SPMIP4: variants seen among roughly 807,000 people sequenced by gnomAD.
The protein encoded by SPMIP4 is sperm microtubule inner protein 4.
the SPMIP4 span, among the ~76,000 whole-genome samples, chr7:25,127,927 G>A: frequency 2.0e-5 from 3 of 152,228 alleles, no homozygotes; most frequent in Non-Finnish European, 4.4e-5. Context: ...GGGGCCATCC[G>A]AAGCTCAGTA....
At chr7:25,168,349 G>A in the SPMIP4 span, 7 of 1,613,030 alleles carry the variant, frequency 4.3e-6, no homozygotes, top group Non-Finnish European at 5.9e-6. Context: ...GACACGAGGA[G>A]GCTCATACTT....
chr7:25,175,933 G>C, the SPMIP4 span, among the ~76,000 whole-genome samples: 1 of 152,192 alleles, frequency 6.6e-6, no homozygotes. Flanking sequence ...AGGGGGTTAA[G>C]AGGAGGGGTT....
the SPMIP4 span, chr7:25,142,694 G>A: frequency 2.2e-5 from 35 of 1,613,114 alleles, no homozygotes; most frequent in Non-Finnish European, 3.0e-5. Context: ...AGATTTCTTT[G>A]TATGTTGGCT....
the SPMIP4 span, among the ~76,000 whole-genome samples, chr7:25,165,517 A>G: frequency 2.6e-5 from 4 of 152,110 alleles, no homozygotes; most frequent in Non-Finnish European, 4.4e-5. Flanking sequence ...CAATGGCACA[A>G]TCTTGGCTCA....
chr7:25,166,840 A>G, the SPMIP4 span, among the ~76,000 whole-genome samples: 18 of 152,146 alleles, frequency 1.2e-4, no homozygotes. Context: ...GGTTGCAGTG[A>G]GCTGAGATCA....
chr7:25,142,927 G>GTT, the SPMIP4 span: 33 of 631,642 alleles, frequency 5.2e-5, no homozygotes, highest in South Asian at 7.8e-5. Flanking sequence ...CGTCAGAATG[G>GTT]TTTTTTTTTT....
the SPMIP4 span, chr7:25,168,180 T>C: frequency 1.1e-6 from 1 of 882,594 alleles, no homozygotes; most frequent in Non-Finnish European, 1.7e-6. Context: ...TCATAAATAG[T>C]AAGAGAAATA....
chr7:25,163,036 C>T, the SPMIP4 span, among the ~76,000 whole-genome samples: 4 of 152,226 alleles, frequency 2.6e-5, no homozygotes, highest in Non-Finnish European at 5.9e-5. This position sits in a 1 kb window ranked among gnomAD's most constrained non-coding sequence, Gnocchi z 4.4. Flanking sequence ...GCTGGGATTA[C>T]AGGCATGAGC....
the SPMIP4 span, among the ~76,000 whole-genome samples, chr7:25,160,650 G>A: frequency 6.6e-6 from 1 of 152,256 alleles, no homozygotes; most frequent in African/African-American, 2.4e-5. Context: ...TAATGTACAC[G>A]ACAAACTATT....
At chr7:25,165,230 AT>A in the SPMIP4 span, among the ~76,000 whole-genome samples, 2 of 151,578 alleles carry the variant, frequency 1.3e-5, no homozygotes, top group Non-Finnish European at 2.9e-5. Flanking sequence ...ATATACTTTT[AT>A]GTATTTTCTT....
the SPMIP4 span, among the ~76,000 whole-genome samples, chr7:25,157,501 C>T: frequency 3.3e-5 from 5 of 152,148 alleles, no homozygotes; most frequent in African/African-American, 4.8e-5. Flanking sequence ...ATCATGCCAA[C>T]GGCATGTACC....
chr7:25,171,343 ATAC>A, the SPMIP4 span, among the ~76,000 whole-genome samples: 2 of 152,156 alleles, frequency 1.3e-5, no homozygotes, highest in South Asian at 4.1e-4. Context: ...CACTCAAATA[ATAC>A]TATTGAATAA....
the SPMIP4 span, among the ~76,000 whole-genome samples, chr7:25,157,917 T>C: frequency 0.24 from 36,590 of 152,134 alleles, 4,945 homozygotes; most frequent in East Asian, 0.31. Flanking sequence ...GTGTGATGTA[T>C]ATGGGAACTC....
At chr7:25,175,681 C>T in the SPMIP4 span, among the ~76,000 whole-genome samples, 1 of 152,116 alleles carries the variant, frequency 6.6e-6, no homozygotes, top group Admixed American at 6.5e-5. Flanking sequence ...TCACCCTTAC[C>T]ATTATGAAGG....
the SPMIP4 span, among the ~76,000 whole-genome samples, chr7:25,126,614 T>G: frequency 6.6e-6 from 1 of 152,244 alleles, no homozygotes; most frequent in Non-Finnish European, 1.5e-5. Context: ...TTTTCTTGTT[T>G]CTATTTATAT....
the SPMIP4 span, among the ~76,000 whole-genome samples, chr7:25,146,662 T>TA: frequency 6.6e-6 from 1 of 152,186 alleles, no homozygotes; most frequent in Non-Finnish European, 1.5e-5. Context: ...GAAGGGGTGA[T>TA]ATCAGTGAGC....
the SPMIP4 span, among the ~76,000 whole-genome samples, chr7:25,156,844 C>A: frequency 6.6e-6 from 1 of 152,182 alleles, no homozygotes; most frequent in Non-Finnish European, 1.5e-5. Flanking sequence ...CTCACCACCA[C>A]ACCCAACTAA....
the SPMIP4 span, among the ~76,000 whole-genome samples, chr7:25,155,487 AT>A: frequency 6.6e-6 from 1 of 152,262 alleles, no homozygotes; most frequent in Admixed American, 6.5e-5. Context: ...CGTATAAAAA[AT>A]ATAAAGCAAA....
At chr7:25,167,515 CCT>C in the SPMIP4 span, among the ~76,000 whole-genome samples, 2 of 152,148 alleles carry the variant, frequency 1.3e-5, no homozygotes, top group Non-Finnish European at 2.9e-5. Flanking sequence ...GACTGTCAGG[CCT>C]TTTTATTTGT....
Sources: gnomAD v4.1 joint callset for allele counts (sites outside exome capture counted in the v4.1 genomes callset) on GRCh38, gnomAD v4.1.1 for gene constraint, Gnocchi (gnomAD v3.1) non-coding constraint, MANE v1.5 for transcripts, NCBI Gene and HGNC (gene_info 2026-07-23, HGNC 2026-07-21) for gene names.